The following PROS1 variants were observed in gnomAD, a reference collection of about 807,000 sequenced individuals.
PROS1 encodes vitamin K-dependent protein S.
PROS1 carries 29 observed loss-of-function variants against 75.9 expected under a neutral mutation model. The observed-to-expected ratio is 0.38, with a 90% CI of 0.28 to 0.52. The LOEUF is 0.52. Ranked by LOEUF, PROS1 falls within the 20% of genes least tolerant of loss-of-function variation. The probability of loss-of-function intolerance (pLI) is 0.83; values close to 1 mark genes in which losing one functional copy is unlikely to be tolerated. For missense variants in PROS1, 680 were observed against 810.3 expected (o/e 0.84, Z 1.95); for synonymous variants, 245 against 280.6 (o/e 0.87, Z 1.27).
Position 93,900,787 on chromosome 3 carries a change from TACC to T in PROS1, c.727+14_727+16del. ...CCACCCTCTCCACCATCAGTAATGA[TACC>T]ACCATCATCCTACCTTCACAAGACT... On this transcript the variant is annotated intron_variant, in intron 7 of 14. Coordinates refer to ENST00000394236, the MANE Select transcript of PROS1 (RefSeq NM_000313.4). The T allele has an allele frequency of 1.2e-6, 2 of 1,612,110 alleles. No homozygotes were observed. Among genetic ancestry groups the T allele is most frequent in the Non-Finnish European group, 1.7e-6 (2 of 1,179,792 alleles).
chr3:93,903,406 G>A (rs1465616378), intron 6 of PROS1, among the ~76,000 whole-genome samples: 1 of 152,094 alleles, frequency 6.6e-6, no homozygotes, highest in Admixed American at 6.5e-5. Flanking sequence ...GCTCATGCCT[G>A]TAATCCCACG....
In PROS1 at chr3:93,905,800, A is replaced by G. The variant is rs372109285; in HGVS notation, c.585T>C (p.Asn195=). Residue 195 remains asparagine (N), a synonymous_variant, in exon 6 of 15, where the codon AAT becomes AAC. Transcript: ENST00000394236. ...TGCTCTTACCTTTACAATCTTTCTT[A>G]TTTGAAAGCATAACAAAACCATTTT... ...SCKNGFVMLS[N]KKDCKDVDEC... 138 of 1,611,818 alleles carry G rather than the reference A, an allele frequency of 8.6e-5. No homozygotes were observed. The highest frequency in any genetic ancestry group is 1.6e-4 in the Middle Eastern group (1 of 6,078).
intron 1 of PROS1, among the ~76,000 whole-genome samples, chr3:93,960,939 GA>G (rs1026568158): frequency 7.6e-6 from 1 of 131,094 alleles, no homozygotes; most frequent in Non-Finnish European, 1.7e-5. Context: ...AAGGGCAAAA[GA>G]AAAAAAAACA....
At chr3:93,896,122 T>C (rs1708497933) in intron 9 of PROS1, among the ~76,000 whole-genome samples, 1 of 152,190 alleles carries the variant, frequency 6.6e-6, no homozygotes. Flanking sequence ...ACTAAAATTA[T>C]GTAATATATG....
chr3:93,938,760 G>C (rs559039654), intron 1 of PROS1, among the ~76,000 whole-genome samples: 2 of 152,254 alleles, frequency 1.3e-5, no homozygotes, highest in Non-Finnish European at 2.9e-5. Context: ...TCACGGACTT[G>C]GGAAGACAGC....
intron 6 of PROS1, among the ~76,000 whole-genome samples, chr3:93,903,233 A>C (rs1708624007): frequency 6.6e-6 from 1 of 152,214 alleles, no homozygotes; most frequent in Non-Finnish European, 1.5e-5. Flanking sequence ...ATGACTAAAC[A>C]ATAATGCAAA....
At chr3:93,874,789 T>C (rs570539351) in intron 14 of PROS1, among the ~76,000 whole-genome samples, 27 of 152,274 alleles carry the variant, frequency 1.8e-4, no homozygotes, top group African/African-American at 6.3e-4. Context: ...CTCCAAATTA[T>C]AGCTACTTGG....
At chr3:93,933,818 G>A (rs1709142207) in intron 1 of PROS1, among the ~76,000 whole-genome samples, 1 of 151,776 alleles carries the variant, frequency 6.6e-6, no homozygotes, top group East Asian at 1.9e-4. Context: ...AGATCAGCCT[G>A]GCCAATATGG....
At chr3:93,944,729 A>G (rs1709351469) in intron 1 of PROS1, among the ~76,000 whole-genome samples, 1 of 152,154 alleles carries the variant, frequency 6.6e-6, no homozygotes, top group East Asian at 1.9e-4. Context: ...TGACACCCTA[A>G]CATCACAATT....
intron 1 of PROS1, among the ~76,000 whole-genome samples, chr3:93,951,470 C>A (rs1709494335): frequency 1.3e-5 from 2 of 152,084 alleles, no homozygotes; most frequent in African/African-American, 4.8e-5. Context: ...AATTTTCAAC[C>A]CAAAATTTTA....
chr3:93,918,719 T>C (rs890815489), intron 3 of PROS1, among the ~76,000 whole-genome samples: 16 of 152,108 alleles, frequency 1.1e-4, no homozygotes, highest in African/African-American at 3.1e-4. Context: ...CTAATCTTTA[T>C]ATTTTTACAA....
intron 10 of PROS1, among the ~76,000 whole-genome samples, chr3:93,892,253 C>G (rs1457512055): frequency 1.3e-5 from 2 of 152,026 alleles, no homozygotes; most frequent in African/African-American, 2.4e-5. Context: ...TCTCTTGAAC[C>G]TAGTAGGTGG....
chr3:93,943,773 A>G (rs1337229775), intron 1 of PROS1, among the ~76,000 whole-genome samples: 2 of 152,212 alleles, frequency 1.3e-5, no homozygotes, highest in Non-Finnish European at 2.9e-5. Flanking sequence ...AAGAATCACC[A>G]AAGAAGTGAA....
chr3:93,971,597 C>G (rs967730653), intron 1 of PROS1, among the ~76,000 whole-genome samples: 1 of 148,762 alleles, frequency 6.7e-6, no homozygotes, highest in Non-Finnish European at 1.5e-5. Flanking sequence ...AAAACACCAA[C>G]TCTACCAAAA....
intron 6 of PROS1, among the ~76,000 whole-genome samples, chr3:93,905,057 T>C (rs1483306293): frequency 1.3e-5 from 2 of 152,172 alleles, no homozygotes; most frequent in Non-Finnish European, 2.9e-5. Context: ...CAGAAAAGTA[T>C]TTCTGAAAAG....
intron 3 of PROS1, among the ~76,000 whole-genome samples, chr3:93,917,401 G>A (rs1708873236): frequency 6.6e-6 from 1 of 152,358 alleles, no homozygotes; most frequent in East Asian, 1.9e-4. Context: ...CTGGGTTCAA[G>A]TGATTCTTGT....
chr3:93,923,030 G>A (rs549399154), intron 3 of PROS1, among the ~76,000 whole-genome samples: 2 of 152,268 alleles, frequency 1.3e-5, no homozygotes, highest in African/African-American at 4.8e-5. Context: ...TACAGAAGCT[G>A]GAAAGCTAAA....
chr3:93,960,264 C>A (rs1026046074), intron 1 of PROS1, among the ~76,000 whole-genome samples: 3 of 151,342 alleles, frequency 2.0e-5, no homozygotes, highest in Non-Finnish European at 1.5e-5. Context: ...GCAAGCTCAG[C>A]CTCCTGGGTT....
rs548101548 is a variant in PROS1, at chr3:93,955,724, A to T, written c.76+17950T>A. ...CATGTACCCTAGAACTTAAAGTATA[A>T]AAAAAAAAAAGAAAGGCAAAGAAAA... On this transcript the variant is annotated intron_variant, in intron 1 of 14. Transcript: ENST00000394236. 1.0e-3 allele frequency among the ~76,000 whole-genome samples: 147 copies of T among 147,436 alleles called. 1 individual carries two copies. Among genetic ancestry groups the T allele is most frequent in the Non-Finnish European group, 1.7e-3 (114 of 66,480 alleles).
Sources: gnomAD v4.1 joint callset for allele counts (sites outside exome capture counted in the v4.1 genomes callset) on GRCh38, gnomAD v4.1.1 for gene constraint, MANE v1.5 for transcripts, NCBI Gene and HGNC (gene_info 2026-07-23, HGNC 2026-07-21) for gene names.